ABI3BP: variants seen among roughly 807,000 people sequenced by gnomAD.
ABI3BP encodes target of Nesh-SH3.
Under a neutral mutation model 268.6 loss-of-function variants are expected in ABI3BP, and 216 were observed. The observed-to-expected ratio is 0.80, with a 90% CI of 0.72 to 0.90. ABI3BP has a LOEUF of 0.90. ABI3BP is among the 40% of genes least tolerant of loss of function. The probability of loss-of-function intolerance (pLI) is 0.00; values close to 1 mark genes in which losing one functional copy is unlikely to be tolerated. For synonymous variants in ABI3BP, 730 were observed against 730.0 expected (o/e 1.00, Z 0.00); for missense variants, 2,090 against 2,182.4 (o/e 0.96, Z 0.84).
At chr3:100,945,634 C>T (rs531658954) in intron 1 of ABI3BP, 2 of 450,560 alleles carry the variant, frequency 4.4e-6, no homozygotes, top group Non-Finnish European at 4.5e-6. Context: ...TTTTATGAGA[C>T]TCATCCATCC....
In ABI3BP at chr3:100,959,927, A is replaced by G. The variant is rs1227187408; in HGVS notation, c.79+33379T>C. Among the ~76,000 whole-genome samples, 5 of 152,350 alleles carry G rather than the reference A, an allele frequency of 3.3e-5. No homozygotes were observed. In the East Asian group the frequency reaches 9.6e-4, roughly 29 times the overall value. Reference sequence around the variant, plus strand: ...CCCTCAGTGTCTACTGTCCTACATAATGTCTACATATGACTACACAAAGTC... The same window carrying G: ...CCCTCAGTGTCTACTGTCCTACATAGTGTCTACATATGACTACACAAAGTC... On this transcript the variant is annotated intron_variant, in intron 1 of 67. Transcript: ENST00000471714.
At chr3:100,799,900 T>C (rs1208441313) in intron 51 of ABI3BP, among the ~76,000 whole-genome samples, 3 of 152,136 alleles carry the variant, frequency 2.0e-5, no homozygotes. Flanking sequence ...TCTTCAACCA[T>C]CAGTTAGGGT....
intron 18 of ABI3BP, among the ~76,000 whole-genome samples, chr3:100,848,179 T>C (rs2098795752): frequency 6.6e-6 from 1 of 152,160 alleles, no homozygotes; most frequent in Non-Finnish European, 1.5e-5. Flanking sequence ...ATGTCCTCTC[T>C]AACTCAGCCA....
chr3:100,785,086 A>G (rs754289306), intron 57 of ABI3BP, among the ~76,000 whole-genome samples: 1 of 152,206 alleles, frequency 6.6e-6, no homozygotes, highest in Non-Finnish European at 1.5e-5. Context: ...ATTAAAAAGA[A>G]TATGTCCTAT....
At chr3:100,792,979 T>C (rs570722529) in intron 54 of ABI3BP, among the ~76,000 whole-genome samples, 1 of 152,044 alleles carries the variant, frequency 6.6e-6, no homozygotes, top group Admixed American at 6.6e-5. Flanking sequence ...ATTTTAATGA[T>C]TGTTATAAGG....
chr3:100,875,031 G>C, intron 8 of ABI3BP, 98 bp from the exon 9 acceptor site: 1 of 612,874 alleles, frequency 1.6e-6, no homozygotes, highest in Non-Finnish European at 2.7e-6. Flanking sequence ...ATGAAGCATA[G>C]CACTTATTTT....
intron 7 of ABI3BP, among the ~76,000 whole-genome samples, chr3:100,876,301 C>T (rs1000209636): frequency 6.6e-6 from 1 of 152,030 alleles, no homozygotes; most frequent in African/African-American, 2.4e-5. Flanking sequence ...AGTTGTCTGA[C>T]CAGTGTGACC....
At chr3:100,815,061 A>T (rs576301895) in intron 44 of ABI3BP, among the ~76,000 whole-genome samples, 24 of 152,236 alleles carry the variant, frequency 1.6e-4, no homozygotes, top group Non-Finnish European at 2.6e-4. Context: ...GATTTTCGTT[A>T]TTTCAACTGA....
chr3:100,766,379 G>A (rs887127290), intron 62 of ABI3BP, among the ~76,000 whole-genome samples: 2 of 152,164 alleles, frequency 1.3e-5, no homozygotes, highest in Non-Finnish European at 2.9e-5. Flanking sequence ...AATATAGTTG[G>A]GGAAAAGGCT....
chr3:100,828,075 G>GAT (rs1285962607), intron 34 of ABI3BP, among the ~76,000 whole-genome samples: 1 of 152,052 alleles, frequency 6.6e-6, no homozygotes, highest in Non-Finnish European at 1.5e-5. Context: ...GTGTATAAGG[G>GAT]ATATATTAAG....
intron 27 of ABI3BP, 57 bp from the exon 28 acceptor site, chr3:100,835,717 T>C (rs529978510): frequency 1.2e-5 from 16 of 1,330,730 alleles, no homozygotes; most frequent in Middle Eastern, 1.9e-4. Flanking sequence ...AAAACAAAGT[T>C]ATTTTGAAAA....
chr3:100,941,707 G>A (rs1226707938), intron 1 of ABI3BP, among the ~76,000 whole-genome samples: 1 of 152,074 alleles, frequency 6.6e-6, no homozygotes, highest in Non-Finnish European at 1.5e-5. Flanking sequence ...CAATTGGCAA[G>A]GCTAATAGTT....
At chr3:100,964,737 A>C (rs2080615473) in intron 1 of ABI3BP, among the ~76,000 whole-genome samples, 1 of 152,194 alleles carries the variant, frequency 6.6e-6, no homozygotes, top group Non-Finnish European at 1.5e-5. Flanking sequence ...AATCTCAATT[A>C]ACCAAATAGC....
intron 1 of ABI3BP, among the ~76,000 whole-genome samples, chr3:100,938,137 G>A (rs2067112089): frequency 6.6e-6 from 1 of 151,926 alleles, no homozygotes; most frequent in South Asian, 2.1e-4. Flanking sequence ...ACACACTGAT[G>A]CCTACTTGAA....
chr3:100,824,073 G>A (rs73135556), intron 36 of ABI3BP, among the ~76,000 whole-genome samples: 21,393 of 152,110 alleles, frequency 0.14, 1,948 homozygotes, highest in South Asian at 0.27. Context: ...TGTAATAATC[G>A]GTAGAGCATC....
intron 58 of ABI3BP, among the ~76,000 whole-genome samples, chr3:100,779,771 C>CAA (rs58156555): frequency 6.7e-6 from 1 of 149,118 alleles, no homozygotes; most frequent in Non-Finnish European, 1.5e-5. Flanking sequence ...TAATATCAGG[C>CAA]AAAAAAAAAT....
intron 64 of ABI3BP, among the ~76,000 whole-genome samples, chr3:100,754,278 T>C (rs570381107): frequency 1.3e-5 from 2 of 152,224 alleles, no homozygotes; most frequent in Non-Finnish European, 2.9e-5. Context: ...AATTGGGAAG[T>C]TTGACAGCTG....
intron 1 of ABI3BP, among the ~76,000 whole-genome samples, chr3:100,936,409 TTCA>T (rs2066144989): frequency 6.6e-6 from 1 of 152,236 alleles, no homozygotes; most frequent in South Asian, 2.1e-4. Context: ...TGCATCAATG[TTCA>T]TCAAGGATAT....
intron 39 of ABI3BP, 65 bp downstream of exon 39, chr3:100,820,986 TATG>T: frequency 7.8e-7 from 1 of 1,277,194 alleles, no homozygotes; most frequent in Non-Finnish European, 1.1e-6. Flanking sequence ...AATCTGCGGC[TATG>T]ATGATGGAAT....
Sources: gnomAD v4.1 joint callset for allele counts (sites outside exome capture counted in the v4.1 genomes callset) on GRCh38, gnomAD v4.1.1 for gene constraint, MANE v1.5 for transcripts, NCBI Gene and HGNC (gene_info 2026-07-23, HGNC 2026-07-21) for gene names.